The following PCSK6 variants were observed in gnomAD, a reference collection of about 807,000 sequenced individuals.
PCSK6 encodes paired basic amino acid cleaving enzyme 4.
A neutral mutation model predicts 123.3 loss-of-function variants in PCSK6; 85 were observed. That is an observed-to-expected ratio of 0.69 (90% CI 0.58 to 0.83). The LOEUF is 0.83. Ranked by LOEUF, PCSK6 falls within the 40% of genes least tolerant of loss-of-function variation. The pLI is 0.00. For missense variants in PCSK6, 1,191 were observed against 1,282.3 expected, an observed-to-expected ratio of 0.93 and a Z score of 1.09; for synonymous variants, 508 against 516.0, an observed-to-expected ratio of 0.98 and a Z score of 0.21.
chr15:101,438,965 C>T (rs28438562), intron 2 of PCSK6, among the ~76,000 whole-genome samples: 3,755 of 152,280 alleles, frequency 0.025, 129 homozygotes, highest in African/African-American at 0.083. Context: ...GGAAAAAGAG[C>T]GAAAGTCACC....
At chr15:101,348,904 G>A (rs1044723563) in intron 13 of PCSK6, among the ~76,000 whole-genome samples, 2 of 152,182 alleles carry the variant, frequency 1.3e-5, no homozygotes, top group African/African-American at 2.4e-5. Flanking sequence ...GTCTCCTCCC[G>A]CCACCCTCCT....
At chr15:101,341,251 T>TG (rs2040600595) in intron 13 of PCSK6, among the ~76,000 whole-genome samples, 1 of 148,088 alleles carries the variant, frequency 6.8e-6, no homozygotes, top group African/African-American at 2.5e-5. Flanking sequence ...GTGTGGGGTT[T>TG]TTTTTTTTTT....
chr15:101,480,912 T>C lies in PCSK6; in HGVS notation c.297+8462A>G, dbSNP rs545921108. On this transcript the variant is annotated intron_variant, in intron 1 of 21. Transcript: ENST00000611716. ...TGGGGGTGGTTCAATAAATGACACT[T>C]AAACAAAGCGCAGGTGCCTGGCCTT... Among the ~76,000 whole-genome samples the C allele has an allele frequency of 3.2e-3, 487 of 152,044 alleles. 1 individual carries two copies. The highest frequency in any genetic ancestry group is 0.011 in the African/African-American group (442 of 41,508).
intron 12 of PCSK6, among the ~76,000 whole-genome samples, chr15:101,366,828 G>C (rs965631040): frequency 2.0e-5 from 3 of 152,210 alleles, no homozygotes; most frequent in Non-Finnish European, 2.9e-5. Flanking sequence ...GTGCTTGTTT[G>C]TGCAAGAATG....
chr15:101,380,638 A>G (rs1192909218), intron 11 of PCSK6, among the ~76,000 whole-genome samples: 1 of 152,188 alleles, frequency 6.6e-6, no homozygotes, highest in Non-Finnish European at 1.5e-5. Context: ...CACGGGAGAA[A>G]AAGGTGATTT....
Position 101,361,412 on chromosome 15 carries a change from T to C in PCSK6, c.1858+4784A>G, listed in dbSNP as rs1596232213. ...CTCATCCCCTGCCTTTATGTTTCTGTAGGAGTGTAAGGTGGGAGAGTGGGT... is the reference window on the plus strand; with the variant it reads ...CTCATCCCCTGCCTTTATGTTTCTGCAGGAGTGTAAGGTGGGAGAGTGGGT... On this transcript the variant is annotated intron_variant, in intron 13 of 21. Transcript: ENST00000611716. Among the ~76,000 whole-genome samples the C allele has an allele frequency of 2.8e-5, 3 of 105,578 alleles. 1 individual carries two copies. The highest frequency in any genetic ancestry group is 1.3e-4 in the African/African-American group (3 of 23,132). 69.3% of individuals were successfully genotyped at this position (105,578 alleles called of 152,430 possible).
chr15:101,449,652 T>C (rs1017844029), intron 1 of PCSK6, among the ~76,000 whole-genome samples: 19 of 152,250 alleles, frequency 1.2e-4, no homozygotes, highest in African/African-American at 4.6e-4. Flanking sequence ...CAACCCCATG[T>C]GGGTGGGGGC....
At chr15:101,373,891 G>A (rs1243043664) in intron 11 of PCSK6, among the ~76,000 whole-genome samples, 1 of 152,214 alleles carries the variant, frequency 6.6e-6, no homozygotes, top group Non-Finnish European at 1.5e-5. Context: ...CTTTAATGAT[G>A]AAAACTGATT....
intron 6 of PCSK6, among the ~76,000 whole-genome samples, chr15:101,416,177 A>G (rs1425264308): frequency 6.6e-6 from 1 of 152,206 alleles, no homozygotes; most frequent in Non-Finnish European, 1.5e-5. Context: ...TATGAACAGT[A>G]AGGTCCATGG....
chr15:101,390,186 TG>T (rs11285890), intron 8 of PCSK6, among the ~76,000 whole-genome samples: 55,991 of 79,426 alleles, frequency 0.7, 18,746 homozygotes, highest in Admixed American at 0.74. Flanking sequence ...TACCGCTAGC[TG>T]GGGGCTCTGC....
chr15:101,320,558 C>A (rs914531126), intron 18 of PCSK6, among the ~76,000 whole-genome samples: 1 of 152,070 alleles, frequency 6.6e-6, no homozygotes, highest in Non-Finnish European at 1.5e-5. Context: ...AGCAGGAAGA[C>A]GTCTGTATGT....
chr15:101,396,974 G>A (rs570534412), intron 7 of PCSK6, among the ~76,000 whole-genome samples: 12 of 152,238 alleles, frequency 7.9e-5, no homozygotes, highest in African/African-American at 2.9e-4. Flanking sequence ...GAGTGGTTGG[G>A]GGGTGGGGGC....
chr15:101,306,190 C>A (rs554690735), intron 21 of PCSK6, among the ~76,000 whole-genome samples: 12 of 152,142 alleles, frequency 7.9e-5, no homozygotes, highest in Non-Finnish European at 1.8e-4. Flanking sequence ...ACCGCTGCAG[C>A]AAGGGGAAGA....
At chr15:101,443,442 G>A in intron 2 of PCSK6, 114 bp downstream of exon 2, 1 of 709,914 alleles carries the variant, frequency 1.4e-6, no homozygotes, top group Non-Finnish European at 2.5e-6. Context: ...TATTTAAAGT[G>A]AATATGGAAA....
intron 11 of PCSK6, among the ~76,000 whole-genome samples, chr15:101,378,395 T>C (rs2041813723): frequency 6.6e-6 from 1 of 152,212 alleles, no homozygotes; most frequent in Non-Finnish European, 1.5e-5. Context: ...CCTGGAGGAC[T>C]CTAGCAAGTC....
At chr15:101,452,569 G>A (rs182369248) in intron 1 of PCSK6, among the ~76,000 whole-genome samples, 20 of 152,248 alleles carry the variant, frequency 1.3e-4, no homozygotes, top group African/African-American at 4.3e-4. Flanking sequence ...GGGAAGATCC[G>A]GGGTGGCCCA....
chr15:101,354,566 G>A (rs552579251), intron 13 of PCSK6, among the ~76,000 whole-genome samples: 1 of 152,362 alleles, frequency 6.6e-6, no homozygotes, highest in South Asian at 2.1e-4. Context: ...TCTTTACATC[G>A]TTAAATTTAC....
chr15:101,305,476 G>T lies in PCSK6; in HGVS notation c.2813-121C>A. 1 of 741,862 alleles carries T rather than the reference G, an allele frequency of 1.3e-6. No individual in the cohort carries two copies. Among genetic ancestry groups the T allele is most frequent in the Non-Finnish European group, 2.3e-6 (1 of 434,778 alleles). 46.0% of individuals were successfully genotyped at this position (741,862 alleles called of 1,614,324 possible). A position where few individuals can be genotyped will look rare whatever the true frequency, so the allele number is the denominator to read the frequency against. On this transcript the variant is annotated intron_variant, in intron 21 of 21. Coordinates refer to ENST00000611716, the MANE Select transcript of PCSK6 (RefSeq NM_002570.5). This position sits in a 1 kb window ranked among gnomAD's most constrained non-coding sequence, Gnocchi z 4.8. The stretch of plus-strand genomic sequence containing the variant: ...TAATCCCAGCACTTTGGGAGGCCGA[G>T]GTGGGTGGATCACCTGAGGTCAGGA...
chr15:101,464,026 A>G (rs4965874), intron 1 of PCSK6, among the ~76,000 whole-genome samples: 117,330 of 151,906 alleles, frequency 0.77, 45,699 homozygotes, highest in Non-Finnish European at 0.82. Context: ...TAGGAAGGTG[A>G]GGAAGAAGTG....
Sources: allele counts gnomAD v4.1 joint callset (sites outside exome capture counted in the v4.1 genomes callset), GRCh38; gene constraint gnomAD v4.1.1; non-coding constraint Gnocchi (gnomAD v3.1); transcripts MANE v1.5; gene names NCBI Gene and HGNC (gene_info 2026-07-23, HGNC 2026-07-21).